RIPOR2: variants seen among roughly 807,000 people sequenced by gnomAD.
The protein encoded by RIPOR2 is rho family-interacting cell polarization regulator 2.
RIPOR2 carries 39 observed loss-of-function variants against 114.5 expected under a neutral mutation model. That is an observed-to-expected ratio of 0.34 (90% confidence interval 0.26 to 0.44). The LOEUF is 0.44. Ranked by LOEUF, RIPOR2 falls within the 20% of genes least tolerant of loss-of-function variation. The pLI, the probability that RIPOR2 is intolerant of heterozygous loss-of-function variation, is 1.00. For synonymous variants in RIPOR2, 445 were observed against 484.4 expected, an observed-to-expected ratio of 0.92 and a Z score of 1.07; for missense variants, 1,007 against 1,255.1, an observed-to-expected ratio of 0.80 and a Z score of 2.99.
At chr6:24,840,537 A>C in intron 13 of RIPOR2, 1 of 1,435,860 alleles carries the variant, frequency 7.0e-7, no homozygotes, top group Non-Finnish European at 9.1e-7. Flanking sequence ...AATGGGACAA[A>C]TTCTGCAAGT....
Position 25,031,738 on chromosome 6 carries a change from T to C in RIPOR2, c.76+10113A>G, listed in dbSNP as rs1156968622. On this transcript the variant is annotated intron_variant, in intron 1 of 13. Coordinates refer to the RIPOR2 transcript ENST00000510784. ...ATATATATATATATATATATATATA[T>C]ATATATATATATAAAATATCCATAG... Among the ~76,000 whole-genome samples the C allele has an allele frequency of 2.4e-5, 2 of 84,678 alleles. 1 individual carries two copies. 55.6% of individuals were successfully genotyped at this position (84,678 alleles called of 152,430 possible).
intron 18 of RIPOR2, among the ~76,000 whole-genome samples, chr6:24,827,185 C>T (rs1299428524): frequency 6.6e-6 from 1 of 152,140 alleles, no homozygotes; most frequent in East Asian, 1.9e-4. Flanking sequence ...AAAACAAGGT[C>T]TTTCTGCCCA....
chr6:24,982,981 A>T (rs1774363651), intron 1 of RIPOR2, among the ~76,000 whole-genome samples: 1 of 152,158 alleles, frequency 6.6e-6, no homozygotes. Context: ...TCAGTAGCTT[A>T]GGTTATTTTA....
chr6:24,810,809 C>G (rs924746208), intron 20 of RIPOR2, among the ~76,000 whole-genome samples: 1 of 151,188 alleles, frequency 6.6e-6, no homozygotes, highest in South Asian at 2.1e-4. Context: ...ACAGCTGTTT[C>G]TTTTTTTTTC....
chr6:24,854,859 C>T (rs1418466229), intron 8 of RIPOR2, among the ~76,000 whole-genome samples: 2 of 151,938 alleles, frequency 1.3e-5, no homozygotes, highest in Non-Finnish European at 2.9e-5. Context: ...GAAACCCTAT[C>T]TCTACTAAAA....
In RIPOR2 at chr6:24,857,679, C is replaced by G. The variant is rs117060135; in HGVS notation, c.715+3294G>C. 2.4e-3 allele frequency among the ~76,000 whole-genome samples: 372 copies of G among 152,292 alleles called. 4 individuals are homozygous for G. In the South Asian group the frequency reaches 0.025, roughly 10 times the overall value. ...ATCTATTGACCAGGCATAAATAATG[C>G]AAGTTTACTAGCTCAATGGTGGTTC... On this transcript the variant is annotated intron_variant, in intron 8 of 21. Coordinates refer to ENST00000643898, the MANE Select transcript of RIPOR2 (RefSeq NM_001286445.3).
chr6:25,023,758 C>A, intron 1 of RIPOR2: 1 of 801,148 alleles, frequency 1.2e-6, no homozygotes, highest in East Asian at 2.4e-5. Context: ...CCAAGGAGGT[C>A]GGGTGGGTGG....
intron 15 of RIPOR2, 122 bp downstream of exon 15, chr6:24,835,581 A>C: frequency 8.9e-7 from 1 of 1,128,748 alleles, no homozygotes; most frequent in Admixed American, 2.2e-5. Context: ...GGCTCAAACC[A>C]CAGCAAGACT....
At chr6:24,910,575 C>G (rs1192667408) in intron 1 of RIPOR2, 1 of 152,672 alleles carries the variant, frequency 6.5e-6, no homozygotes, top group Admixed American at 6.5e-5. Flanking sequence ...CTCCCCAGGG[C>G]ATCCTTCAGT....
At chr6:24,934,363 A>T (rs574927307) in intron 1 of RIPOR2, among the ~76,000 whole-genome samples, 2 of 152,376 alleles carry the variant, frequency 1.3e-5, no homozygotes, top group East Asian at 3.9e-4. Context: ...CAACAGAATG[A>T]TAACTTGGTA....
intron 19 of RIPOR2, among the ~76,000 whole-genome samples, chr6:24,819,629 T>TCAGCCTCCCGAGTAGCA (rs749843654): frequency 7.2e-5 from 8 of 111,298 alleles, no homozygotes; most frequent in Non-Finnish European, 1.5e-4. Flanking sequence ...TTCTCCTACC[T>TCAGCCTCCCGAGTAGCA]CGATTACAGG....
intron 1 of RIPOR2, among the ~76,000 whole-genome samples, chr6:25,033,603 G>GTGTC (rs1026957894): frequency 5.3e-5 from 8 of 152,166 alleles, no homozygotes; most frequent in African/African-American, 1.9e-4. Context: ...GGAAGTATCT[G>GTGTC]TGTCTGTCTG....
At chr6:24,988,420 C>T (rs930597719) in intron 1 of RIPOR2, among the ~76,000 whole-genome samples, 1 of 152,170 alleles carries the variant, frequency 6.6e-6, no homozygotes, top group Non-Finnish European at 1.5e-5. Context: ...GTAATCTGCC[C>T]TCCTTGGCCT....
intron 1 of RIPOR2, among the ~76,000 whole-genome samples, chr6:24,890,839 A>G (rs146157094): frequency 3.0e-3 from 217 of 73,212 alleles, no homozygotes; most frequent in African/African-American, 0.012. Context: ...AATTGTTTGT[A>G]GAAATAGGGT....
chr6:24,986,919 TA>T (rs11358710), intron 1 of RIPOR2, among the ~76,000 whole-genome samples: 58,704 of 145,692 alleles, frequency 0.4, 11,552 homozygotes, highest in South Asian at 0.43. Flanking sequence ...GCTGATGAGC[TA>T]AAAAAAAAAA....
At position 24,843,168 on chromosome 6, in the gene RIPOR2, T is replaced by C. The variant is rs1761897800; in HGVS notation, c.1551A>G (p.Ala517=). The stretch of plus-strand genomic sequence containing the variant: ...CCTCAGACTCTTGCAGAAGTGCTTC[T>C]GCAACATCATTCTCAAGGAACAGGT... The part of the protein sequence containing the change: ...AEHLFLENDV[A]EALLQESEEA... Residue 517 remains alanine (A), a synonymous_variant, in exon 13 of 22, where the codon GCA becomes GCG. Coordinates refer to ENST00000643898, the MANE Select transcript of RIPOR2 (RefSeq NM_001286445.3). The C allele has an allele frequency of 6.2e-7, 1 of 1,613,880 alleles. No individual in the cohort carries two copies. Among genetic ancestry groups the C allele is most frequent in the Admixed American group, 1.7e-5 (1 of 60,008 alleles).
At chr6:24,921,619 C>T (rs1770494077) in intron 1 of RIPOR2, among the ~76,000 whole-genome samples, 1 of 151,976 alleles carries the variant, frequency 6.6e-6, no homozygotes, top group South Asian at 2.1e-4. Flanking sequence ...TTCTGCCCAC[C>T]CTGCACTTAA....
chr6:24,948,600 C>T (rs916076930), intron 1 of RIPOR2, among the ~76,000 whole-genome samples: 14 of 151,488 alleles, frequency 9.2e-5, no homozygotes, highest in African/African-American at 3.2e-4. Flanking sequence ...GGCACAATCT[C>T]GGTTCACCGC....
At chr6:24,976,392 G>A (rs1011493099) in intron 1 of RIPOR2, 8 of 1,417,038 alleles carry the variant, frequency 5.6e-6, no homozygotes, top group Admixed American at 3.7e-5. Flanking sequence ...AGACGCCGCC[G>A]CCGAGGAAAA....
Sources: gnomAD v4.1 joint callset for allele counts (sites outside exome capture counted in the v4.1 genomes callset) on GRCh38, gnomAD v4.1.1 for gene constraint, MANE v1.5 for transcripts, NCBI Gene and HGNC (gene_info 2026-07-23, HGNC 2026-07-21) for gene names.